Variants in KDM4C observed in about 807,000 individuals in gnomAD.
KDM4C encodes the protein lysine-specific demethylase 4C.
In KDM4C, 81 loss-of-function variants were observed where a neutral mutation model predicts 129.3. That is an observed-to-expected ratio of 0.63 (90% CI 0.52 to 0.75). The LOEUF is 0.75. Ranked by LOEUF, KDM4C falls within the 30% of genes least tolerant of loss-of-function variation. The pLI is 0.00. For missense variants in KDM4C, 1,457 were observed against 1,304.0 expected, an observed-to-expected ratio of 1.12 and a Z score of -1.81; for synonymous variants, 573 against 456.1, an observed-to-expected ratio of 1.26 and a Z score of -3.26.
In KDM4C at chr9:7,165,351, G is replaced by A. The variant is rs1844268759; in HGVS notation, c.2895G>A (p.Met965Ile). The A allele has an allele frequency of 2.5e-6, 4 of 1,613,898 alleles. No homozygotes were observed. Among genetic ancestry groups the A allele is most frequent in the East Asian group, 2.2e-5 (1 of 44,876 alleles). Residue 965 changes from methionine to isoleucine, a missense_variant, in exon 20 of 22, where the codon ATG (methionine) becomes ATA (isoleucine). By Grantham distance (10) the Met-to-Ile change is conservative. Transcript: ENST00000381309. ...ATTTTGGATCAAATATTGCCCACAT[G>A]TACCAGGTGGGTTCTTCCTTCTCTG... ...AKYFGSNIAH[M>I]YQVEFEDGSQ... is the part of the protein sequence containing the mutation.
At chr9:7,155,637 T>C (rs1219990160) in intron 19 of KDM4C, among the ~76,000 whole-genome samples, 1 of 152,198 alleles carries the variant, frequency 6.6e-6, no homozygotes, top group East Asian at 1.9e-4. Flanking sequence ...GATAGTTTGC[T>C]GAGAATGATG....
At chr9:7,040,402 T>C (rs969775073) in intron 15 of KDM4C, among the ~76,000 whole-genome samples, 1 of 148,180 alleles carries the variant, frequency 6.7e-6, no homozygotes, top group African/African-American at 2.5e-5. Context: ...TGTGTGTGTG[T>C]GTGCGTGTGT....
chr9:7,005,434 T>TC (rs1821483602), intron 12 of KDM4C, among the ~76,000 whole-genome samples: 1 of 39,368 alleles, frequency 2.5e-5, no homozygotes, highest in Non-Finnish European at 5.1e-5. Flanking sequence ...AAACTCTGTC[T>TC]CAAAAAAAAA....
At chr9:7,141,383 A>C (rs1478629976) in intron 19 of KDM4C, among the ~76,000 whole-genome samples, 1 of 152,206 alleles carries the variant, frequency 6.6e-6, no homozygotes, top group Non-Finnish European at 1.5e-5. Context: ...CAACAACAAC[A>C]TAAGGTGGGT....
At chr9:6,830,966 A>G (rs1418409893) in intron 4 of KDM4C, among the ~76,000 whole-genome samples, 2 of 152,240 alleles carry the variant, frequency 1.3e-5, no homozygotes, top group Non-Finnish European at 2.9e-5. Flanking sequence ...TATATTCTTT[A>G]TTTAAACTGG....
intron 12 of KDM4C, among the ~76,000 whole-genome samples, chr9:6,997,818 G>A (rs1820042735): frequency 6.6e-6 from 1 of 152,222 alleles, no homozygotes; most frequent in Non-Finnish European, 1.5e-5. Flanking sequence ...AGCATGTGGT[G>A]ACAGGTTGAA....
intron 8 of KDM4C, among the ~76,000 whole-genome samples, chr9:6,960,945 C>T (rs557117348): frequency 6.6e-6 from 1 of 152,296 alleles, no homozygotes; most frequent in South Asian, 2.1e-4. Context: ...AAAATGACAT[C>T]CATACACGCA....
intron 8 of KDM4C, among the ~76,000 whole-genome samples, chr9:6,928,234 C>A (rs771263319): frequency 6.6e-6 from 1 of 152,342 alleles, no homozygotes; most frequent in South Asian, 2.1e-4. Context: ...TTCCAGCTTT[C>A]CAGCCGTTAT....
intron 17 of KDM4C, among the ~76,000 whole-genome samples, chr9:7,062,683 C>T (rs1831873638): frequency 6.6e-6 from 1 of 152,072 alleles, no homozygotes; most frequent in Admixed American, 6.5e-5. Flanking sequence ...CGTGCCCAGC[C>T]CCCTTTTTTT....
At chr9:7,080,138 A>G (rs1834366114) in intron 17 of KDM4C, among the ~76,000 whole-genome samples, 1 of 152,180 alleles carries the variant, frequency 6.6e-6, no homozygotes, top group African/African-American at 2.4e-5. Flanking sequence ...TTCTTGGTCC[A>G]CAACTAGTCC....
At chr9:7,019,856 A>G (rs915069944) in intron 15 of KDM4C, among the ~76,000 whole-genome samples, 8 of 150,644 alleles carry the variant, frequency 5.3e-5, no homozygotes, top group African/African-American at 1.9e-4. Context: ...TCATACTAAA[A>G]TGGAGTAATT....
At chr9:7,024,167 C>T (rs1022128427) in intron 15 of KDM4C, among the ~76,000 whole-genome samples, 2 of 151,956 alleles carry the variant, frequency 1.3e-5, no homozygotes, top group Non-Finnish European at 2.9e-5. Context: ...GTGTAGATTA[C>T]GTGTGATATT....
intron 7 of KDM4C, among the ~76,000 whole-genome samples, chr9:6,891,326 A>G (rs1327710937): frequency 1.3e-5 from 2 of 152,256 alleles, no homozygotes; most frequent in Non-Finnish European, 2.9e-5. Context: ...TTATTCAGCC[A>G]TAAAAGGAAG....
chr9:6,949,676 CA>C (rs534099594), intron 8 of KDM4C, among the ~76,000 whole-genome samples: 11 of 151,720 alleles, frequency 7.3e-5, no homozygotes, highest in Admixed American at 3.3e-4. Flanking sequence ...CCGTCTCCAC[CA>C]AAAAAAATAC....
At chr9:6,836,828 CT>C (rs902333243) in intron 4 of KDM4C, among the ~76,000 whole-genome samples, 14 of 150,940 alleles carry the variant, frequency 9.3e-5, no homozygotes, top group African/African-American at 2.4e-4. Flanking sequence ...GAATTTACAA[CT>C]TTTTTTTTAT....
chr9:6,929,968 A>G (rs1325059182), intron 8 of KDM4C, among the ~76,000 whole-genome samples: 1 of 152,088 alleles, frequency 6.6e-6, no homozygotes, highest in African/African-American at 2.4e-5. Context: ...TAAGGATGTT[A>G]CTCACTGTTG....
intron 5 of KDM4C, among the ~76,000 whole-genome samples, chr9:6,851,069 A>G (rs890879884): frequency 1.3e-5 from 2 of 152,106 alleles, no homozygotes; most frequent in African/African-American, 4.8e-5. Flanking sequence ...GAAACTTTTT[A>G]ATAGGTGGTC....
intron 15 of KDM4C, among the ~76,000 whole-genome samples, chr9:7,017,642 C>A (rs188078636): frequency 6.6e-6 from 1 of 152,116 alleles, no homozygotes; most frequent in Non-Finnish European, 1.5e-5. Context: ...TTGAAAGTGA[C>A]GAACAATCAG....
At chr9:6,833,950 G>C (rs905251389) in intron 4 of KDM4C, among the ~76,000 whole-genome samples, 7 of 151,720 alleles carry the variant, frequency 4.6e-5, no homozygotes, top group African/African-American at 1.7e-4. Flanking sequence ...TGTCGTTTTT[G>C]AGAAATATAC....
Sources: allele counts gnomAD v4.1 joint callset (sites outside exome capture counted in the v4.1 genomes callset), GRCh38; gene constraint gnomAD v4.1.1; transcripts MANE v1.5; gene names NCBI Gene and HGNC (gene_info 2026-07-23, HGNC 2026-07-21).